Variants in TPRG1 observed in about 807,000 individuals in gnomAD.
The protein encoded by TPRG1 is tumor protein p63-regulated gene 1 protein.
Under a neutral mutation model 29.3 loss-of-function variants are expected in TPRG1, and 29 were observed. That is an observed-to-expected ratio of 0.99 (90% CI 0.74 to 1.35). The LOEUF is 1.35. TPRG1 is among the 40% of genes most tolerant of loss of function. TPRG1 has a pLI of 0.00. For synonymous variants in TPRG1, 130 were observed against 116.8 expected, an observed-to-expected ratio of 1.11 and a Z score of -0.73; for missense variants, 327 against 335.0, an observed-to-expected ratio of 0.98 and a Z score of 0.19.
At chr3:189,173,903 G>A (rs1729150896) in intron 1 of TPRG1, among the ~76,000 whole-genome samples, 3 of 152,144 alleles carry the variant, frequency 2.0e-5, no homozygotes, top group African/African-American at 7.2e-5. Context: ...TTTAGAGCAG[G>A]GAAATCTGTC....
At chr3:189,038,794 CAAAA>C (rs59131158) in intron 4 of TPRG1, among the ~76,000 whole-genome samples, 1 of 129,768 alleles carries the variant, frequency 7.7e-6, no homozygotes, top group Non-Finnish European at 1.7e-5. Context: ...GAGTAATTGG[CAAAA>C]AAAAAAAAAA....
chr3:189,174,501 T>C (rs755068721), intron 1 of TPRG1, among the ~76,000 whole-genome samples: 22 of 152,230 alleles, frequency 1.4e-4, no homozygotes, highest in Admixed American at 2.6e-4. Context: ...ACTTCTGATC[T>C]CTTCCAATCT....
At chr3:189,219,819 C>A (rs1248719873) in intron 3 of TPRG1, 1 of 935,354 alleles carries the variant, frequency 1.1e-6, no homozygotes, top group South Asian at 4.9e-5. Context: ...TATTTAAAAA[C>A]CGGTAATTCT....
intron 5 of TPRG1, among the ~76,000 whole-genome samples, chr3:189,156,808 T>C (rs187888497): frequency 2.6e-5 from 4 of 152,222 alleles, no homozygotes; most frequent in African/African-American, 9.6e-5. Flanking sequence ...TATTTCTTAT[T>C]TTAAGGTACA....
rs59142894 is a variant in TPRG1, at chr3:189,262,203, GGTATAAGTATAAGTATAAGTATAA to G, written c.479+23326_479+23349del. Among the ~76,000 whole-genome samples the G allele has an allele frequency of 1.8e-3, 259 of 141,538 alleles. 2 individuals are homozygous for G. The highest frequency in any genetic ancestry group is 6.1e-3 in the African/African-American group (224 of 36,776). The allele number at this position is 141,538 out of a possible 152,430, so 92.9% of individuals were successfully genotyped here. On this transcript the variant is annotated intron_variant, in intron 4 of 5. Coordinates refer to ENST00000345063, the MANE Select transcript of TPRG1 (RefSeq NM_198485.4). Reference sequence around the variant, plus strand: ...AGAGAGCATGGGTCTGAGAAGACTTGGTATAAGTATAAGTATAAGTATAAGTATAAGTATAAGTATAAGTATAAG... The same window carrying G: ...AGAGAGCATGGGTCTGAGAAGACTTGGTATAAGTATAAGTATAAGTATAAG...
At chr3:189,171,572 T>TA (rs1264119871), upstream of TPRG1, among the ~76,000 whole-genome samples, 1 of 152,240 alleles carries the variant, frequency 6.6e-6, no homozygotes, top group Non-Finnish European at 1.5e-5. Context: ...TTTTCAGAGA[T>TA]ACACTGCTCT....
intron 5 of TPRG1, among the ~76,000 whole-genome samples, chr3:189,160,225 T>C (rs933300351): frequency 5.3e-5 from 8 of 152,224 alleles, no homozygotes; most frequent in East Asian, 1.9e-4. Context: ...TCCCAGTCAA[T>C]TGGCAGGTTG....
intron 4 of TPRG1, among the ~76,000 whole-genome samples, chr3:189,307,077 C>CAG (rs1721745484): frequency 6.6e-6 from 1 of 152,168 alleles, no homozygotes; most frequent in Admixed American, 6.5e-5. Context: ...GGCTGAAGTG[C>CAG]AGTGGCATGA....
chr3:189,116,064 G>A (rs1041370392), intron 1 of TPRG1, among the ~76,000 whole-genome samples: 5 of 152,068 alleles, frequency 3.3e-5, no homozygotes, highest in African/African-American at 1.2e-4. Context: ...AGCCAGTATG[G>A]GCAACAGTAT....
chr3:189,321,703 C>A lies in TPRG1; in HGVS notation c.*883C>A, dbSNP rs1205403122. The A allele has an allele frequency of 6.6e-6, 1 of 152,082 alleles. No homozygotes were observed. Among genetic ancestry groups the A allele is most frequent in the Non-Finnish European group, 1.5e-5 (1 of 67,992 alleles). 9.4% of individuals were successfully genotyped at this position (152,082 alleles called of 1,614,324 possible). On this transcript the variant is annotated 3_prime_UTR_variant, in exon 6 of 6. Transcript: ENST00000345063. Reference sequence around the variant, plus strand: ...TTGGTTTCTAGCTCATTTACTTATACCATCTTTTGTTCAAATATATATTTT... The same window carrying A: ...TTGGTTTCTAGCTCATTTACTTATAACATCTTTTGTTCAAATATATATTTT...
chr3:189,312,482 A>G (rs1722872840), intron 5 of TPRG1, among the ~76,000 whole-genome samples: 1 of 152,166 alleles, frequency 6.6e-6, no homozygotes, highest in Non-Finnish European at 1.5e-5. Context: ...ATTGTACTTT[A>G]TTGTAAATCA....
intron 4 of TPRG1, among the ~76,000 whole-genome samples, chr3:189,258,230 G>C (rs1409432897): frequency 6.6e-6 from 1 of 151,228 alleles, no homozygotes; most frequent in Non-Finnish European, 1.5e-5. Context: ...ACTCTTTCCT[G>C]TTTGTTAGTT....
intron 4 of TPRG1, among the ~76,000 whole-genome samples, chr3:189,309,228 A>G (rs1722106088): frequency 6.6e-6 from 1 of 152,132 alleles, no homozygotes; most frequent in Non-Finnish European, 1.5e-5. Flanking sequence ...TTCAGGTATT[A>G]ACCAGTTGGG....
At chr3:189,040,664 C>T (rs1243778262) in intron 4 of TPRG1, among the ~76,000 whole-genome samples, 1 of 152,124 alleles carries the variant, frequency 6.6e-6, no homozygotes, top group Non-Finnish European at 1.5e-5. Context: ...TGGAAAAAAC[C>T]CCTTTCTCCC....
At chr3:189,182,670 C>T (rs1285305637) in intron 1 of TPRG1, among the ~76,000 whole-genome samples, 2 of 152,128 alleles carry the variant, frequency 1.3e-5, no homozygotes, top group Non-Finnish European at 2.9e-5. Flanking sequence ...CAAGAACCCT[C>T]AGTGCATAGT....
intron 1 of TPRG1, among the ~76,000 whole-genome samples, chr3:189,113,441 C>G (rs1720791000): frequency 6.6e-6 from 1 of 152,116 alleles, no homozygotes; most frequent in South Asian, 2.1e-4. Context: ...GACAGGGCAT[C>G]CCTGTCTTGT....
chr3:189,020,452 A>G (rs979738743), intron 3 of TPRG1, among the ~76,000 whole-genome samples: 6 of 151,330 alleles, frequency 4.0e-5, no homozygotes, highest in African/African-American at 1.5e-4. Context: ...GTTGGTTTCA[A>G]AGAACATCTT....
intron 4 of TPRG1, among the ~76,000 whole-genome samples, chr3:189,288,458 G>T (rs1718451151): frequency 6.6e-6 from 1 of 152,206 alleles, no homozygotes; most frequent in African/African-American, 2.4e-5. Context: ...CTAATTTTGG[G>T]ATGATATGCT....
chr3:189,235,933 C>T (rs563283355), intron 3 of TPRG1, among the ~76,000 whole-genome samples: 1 of 152,146 alleles, frequency 6.6e-6, no homozygotes. Context: ...ATTCAAGGAC[C>T]TTGTAAACCT....
Sources: allele counts gnomAD v4.1 joint callset (sites outside exome capture counted in the v4.1 genomes callset), GRCh38; gene constraint gnomAD v4.1.1; transcripts MANE v1.5; gene names NCBI Gene and HGNC (gene_info 2026-07-23, HGNC 2026-07-21).